Variants in COL21A1 observed in about 807,000 individuals in gnomAD.
COL21A1 encodes the protein collagen alpha-1(XXI) chain.
COL21A1 carries 149 observed loss-of-function variants against 137.9 expected under a neutral mutation model. The observed-to-expected ratio is 1.08, with a 90% CI of 0.95 to 1.24. The LOEUF (loss-of-function observed/expected upper bound fraction) is 1.24, where lower values mean the gene tolerates loss of function less well. Among genes scored for constraint, COL21A1 ranks in the 50% most tolerant of loss-of-function variants. COL21A1 has a pLI of 0.00. For synonymous variants in COL21A1, 456 were observed against 391.5 expected (o/e 1.16, Z -1.95); for missense variants, 1,167 against 1,158.4 (o/e 1.01, Z -0.11).
intron 15 of COL21A1, 38 bp downstream of exon 15, chr6:56,124,201 A>G (rs774297019): frequency 6.4e-6 from 10 of 1,560,320 alleles, no homozygotes; most frequent in African/African-American, 4.1e-5. Context: ...GATTTTATTT[A>G]AAGCAAAATA....
At chr6:56,291,268 AAG>A (rs1296045281) in intron 1 of COL21A1, among the ~76,000 whole-genome samples, 9 of 152,260 alleles carry the variant, frequency 5.9e-5, no homozygotes, top group Admixed American at 5.2e-4. Context: ...AACAAAAAGA[AAG>A]AGATTGGATC....
At chr6:56,377,103 G>A (rs919728716) in intron 1 of COL21A1, among the ~76,000 whole-genome samples, 6 of 150,362 alleles carry the variant, frequency 4.0e-5, no homozygotes, top group Non-Finnish European at 8.9e-5. Context: ...TCAGCCTCCC[G>A]AGTAGCTGGG....
At chr6:56,100,551 A>C (rs1201178608) in intron 17 of COL21A1, among the ~76,000 whole-genome samples, 1 of 152,072 alleles carries the variant, frequency 6.6e-6, no homozygotes, top group East Asian at 1.9e-4. Flanking sequence ...TGGCTTTCTG[A>C]CTCCATATGA....
In COL21A1 at chr6:56,280,983, C is replaced by T. The variant is rs573992322; in HGVS notation, c.-38-98327G>A. 9.9e-5 allele frequency among the ~76,000 whole-genome samples: 15 copies of T among 152,138 alleles called. 1 individual carries two copies. Among genetic ancestry groups the T allele is most frequent in the South Asian group, 8.3e-4 (4 of 4,812 alleles). On this transcript the variant is annotated intron_variant, in intron 1 of 28. Transcript: ENST00000370819. ...CTGTGCCACTGCACTCCAGCCTGGG[C>T]GACAGACAGAGACCCGGTCTCAAAA...
chr6:56,330,087 T>G (rs2152343379), intron 1 of COL21A1, among the ~76,000 whole-genome samples: 1 of 152,234 alleles, frequency 6.6e-6, no homozygotes, highest in South Asian at 2.1e-4. Flanking sequence ...CACTTGGTTT[T>G]CTATATTGTG....
chr6:56,353,438 TTCCAGAAGCTTCTGTGAGGTCAGAAGCC>T (rs1458365552), intron 1 of COL21A1, among the ~76,000 whole-genome samples: 1 of 152,114 alleles, frequency 6.6e-6, no homozygotes, highest in Admixed American at 6.5e-5. Flanking sequence ...AGCCAGAAGC[TTCCAGAAGCTTCTGTGAGGTCAGAAGCC>T]TCCAGATGAC....
chr6:56,218,272 C>T (rs920929807), intron 1 of COL21A1, among the ~76,000 whole-genome samples: 3 of 150,058 alleles, frequency 2.0e-5, no homozygotes, highest in South Asian at 2.1e-4. Flanking sequence ...ACATTATTTC[C>T]TAGCATAAAA....
chr6:56,271,503 T>G (rs1157211468), intron 1 of COL21A1, among the ~76,000 whole-genome samples: 3 of 152,168 alleles, frequency 2.0e-5, no homozygotes, highest in Non-Finnish European at 2.9e-5. Context: ...GCATAAAGAT[T>G]TGGAAAATTT....
chr6:56,092,230 T>C (rs1188585044), intron 17 of COL21A1, among the ~76,000 whole-genome samples: 2 of 152,066 alleles, frequency 1.3e-5, no homozygotes, highest in African/African-American at 2.4e-5. Context: ...TTTATGCTCA[T>C]GGGAGAACAT....
At position 56,325,755 on chromosome 6, in the gene COL21A1, T is replaced by C. The variant is rs796609675; in HGVS notation, c.-39+68216A>G. Reference sequence around the variant, plus strand: ...ATATTATATATTATATATAATATTATAAATATTATATATTATATATATTTA... The same window carrying C: ...ATATTATATATTATATATAATATTACAAATATTATATATTATATATATTTA... On this transcript the variant is annotated intron_variant, in intron 1 of 28. Transcript: ENST00000370819. 0.012 allele frequency among the ~76,000 whole-genome samples: 124 copies of C among 10,246 alleles called. 2 individuals are homozygous for C. The East Asian group carries it at 0.14, about 12-fold the overall frequency. 6.7% of individuals were successfully genotyped at this position (10,246 alleles called of 152,430 possible).
At chr6:56,158,586 T>C (rs1005007074) in intron 9 of COL21A1, among the ~76,000 whole-genome samples, 1 of 152,128 alleles carries the variant, frequency 6.6e-6, no homozygotes, top group East Asian at 1.9e-4. Context: ...TACTATTTTT[T>C]ATCAAGAAAT....
At chr6:56,255,471 A>G (rs1052621453) in intron 1 of COL21A1, among the ~76,000 whole-genome samples, 1 of 151,888 alleles carries the variant, frequency 6.6e-6, no homozygotes, top group African/African-American at 2.4e-5. Flanking sequence ...ATCAGATGCT[A>G]TCTCTAGAAC....
intron 1 of COL21A1, among the ~76,000 whole-genome samples, chr6:56,277,071 C>T (rs896727837): frequency 6.6e-6 from 1 of 151,988 alleles, no homozygotes; most frequent in African/African-American, 2.4e-5. Flanking sequence ...CCGCCCGCCT[C>T]GACCTCCCAA....
chr6:56,346,339 C>A (rs1393090712), intron 1 of COL21A1, among the ~76,000 whole-genome samples: 2 of 152,184 alleles, frequency 1.3e-5, no homozygotes, highest in African/African-American at 4.8e-5. Context: ...TGGATTGATA[C>A]AGCATGTACT....
At chr6:56,161,963 C>T (rs889754946) in intron 9 of COL21A1, among the ~76,000 whole-genome samples, 2 of 152,168 alleles carry the variant, frequency 1.3e-5, no homozygotes, top group Non-Finnish European at 2.9e-5. Context: ...AATAGAAAAG[C>T]TAGATCTGTT....
intron 1 of COL21A1, among the ~76,000 whole-genome samples, chr6:56,297,274 C>G (rs547992675): frequency 6.6e-6 from 1 of 152,172 alleles, no homozygotes; most frequent in East Asian, 1.9e-4. Flanking sequence ...TATTCCCTGT[C>G]CTTTGAAGTC....
chr6:56,095,748 T>C (rs993020201), intron 17 of COL21A1, among the ~76,000 whole-genome samples: 4 of 152,192 alleles, frequency 2.6e-5, no homozygotes, highest in African/African-American at 9.7e-5. Context: ...ATATTTATCA[T>C]CCAGAATTTG....
At chr6:56,191,657 G>A (rs1778692186) in intron 1 of COL21A1, among the ~76,000 whole-genome samples, 3 of 140,364 alleles carry the variant, frequency 2.1e-5, no homozygotes, top group East Asian at 2.2e-4. Flanking sequence ...TTGCTACAAA[G>A]AGAATAAAAT....
chr6:56,067,445 G>T, intron 22 of COL21A1, 115 bp from the exon 23 acceptor site: 1 of 803,602 alleles, frequency 1.2e-6, no homozygotes, highest in Non-Finnish European at 2.0e-6. Context: ...CTCCACAAGT[G>T]CCTGTATACA....
Sources: allele counts gnomAD v4.1 joint callset (sites outside exome capture counted in the v4.1 genomes callset), GRCh38; gene constraint gnomAD v4.1.1; transcripts MANE v1.5; gene names NCBI Gene and HGNC (gene_info 2026-07-23, HGNC 2026-07-21).